FAM169A: variants seen among roughly 807,000 people sequenced by gnomAD.
The protein encoded by FAM169A is soluble lamin-associated protein of 75 kDa.
In FAM169A, 24 loss-of-function variants were observed where a neutral mutation model predicts 75.7. The observed-to-expected ratio is 0.32, with a 90% CI of 0.23 to 0.45. The LOEUF (loss-of-function observed/expected upper bound fraction) is 0.45, where lower values mean the gene tolerates loss of function less well. FAM169A is among the 20% of genes least tolerant of loss of function. FAM169A has a pLI of 1.00. For synonymous variants in FAM169A, 271 were observed against 271.0 expected (o/e 1.00, Z 0.00); for missense variants, 673 against 784.0 (o/e 0.86, Z 1.69).
At chr5:74,854,859 G>A (rs1580171195) in intron 1 of FAM169A, among the ~76,000 whole-genome samples, 1 of 152,306 alleles carries the variant, frequency 6.6e-6, no homozygotes, top group South Asian at 2.1e-4. Context: ...TTCATTCGAT[G>A]ATTGACACTC....
At chr5:74,833,759 T>C (rs564237444) in intron 5 of FAM169A, among the ~76,000 whole-genome samples, 6 of 152,282 alleles carry the variant, frequency 3.9e-5, no homozygotes, top group African/African-American at 1.4e-4. Context: ...AAGGTGTGGA[T>C]TGTATGTGTA....
At chr5:74,797,531 T>C (rs1367421658) in intron 10 of FAM169A, among the ~76,000 whole-genome samples, 1 of 152,200 alleles carries the variant, frequency 6.6e-6, no homozygotes, top group Non-Finnish European at 1.5e-5. Context: ...GCAACATCCC[T>C]CCTAGCTTTG....
At chr5:74,862,748 C>G (rs1561332167) in intron 1 of FAM169A, among the ~76,000 whole-genome samples, 1 of 152,184 alleles carries the variant, frequency 6.6e-6, no homozygotes. Flanking sequence ...TAAAGTGTGA[C>G]AACATGCAAC....
At chr5:74,803,134 A>G (rs1236940721) in intron 8 of FAM169A, among the ~76,000 whole-genome samples, 2 of 152,166 alleles carry the variant, frequency 1.3e-5, no homozygotes, top group African/African-American at 2.4e-5. Flanking sequence ...TATGCTGTCA[A>G]CTGTATGATA....
Position 74,840,149 on chromosome 5 carries a change from CTACATTTGACAGGCTAA to C in FAM169A, c.140_156del (p.Ile47ArgfsTer21), listed in dbSNP as rs1379526608. On this transcript the variant is annotated frameshift_variant, in exon 3 of 13. Transcript: ENST00000687041. LOFTEE classifies it high-confidence loss of function. ...TCTCCACCATAAAGAGGTACAAAGC[CTACATTTGACAGGCTAA>C]TAGGAATCTGAAATGACAAATTAAT... 1 of 1,587,880 alleles carries C rather than the reference CTACATTTGACAGGCTAA, an allele frequency of 6.3e-7. No homozygotes were observed. Among genetic ancestry groups the C allele is most frequent in the Admixed American group, 1.7e-5 (1 of 57,804 alleles).
intron 11 of FAM169A, among the ~76,000 whole-genome samples, chr5:74,784,244 G>C (rs1227244279): frequency 6.6e-6 from 1 of 151,776 alleles, no homozygotes; most frequent in Non-Finnish European, 1.5e-5. Flanking sequence ...CACAATAAGG[G>C]GGAAAAGGCA....
chr5:74,859,956 A>G (rs1749950992), intron 1 of FAM169A, among the ~76,000 whole-genome samples: 1 of 152,220 alleles, frequency 6.6e-6, no homozygotes, highest in African/African-American at 2.4e-5. Flanking sequence ...GGATCACTGA[A>G]CTAGATACTA....
chr5:74,798,366 A>C (rs1404876346), intron 10 of FAM169A, among the ~76,000 whole-genome samples: 2 of 152,202 alleles, frequency 1.3e-5, no homozygotes, highest in Non-Finnish European at 2.9e-5. Context: ...TGGGAGGTTC[A>C]ATTTAAAATA....
chr5:74,833,587 T>C (rs1332910543), intron 5 of FAM169A, among the ~76,000 whole-genome samples: 1 of 152,252 alleles, frequency 6.6e-6, no homozygotes, highest in Non-Finnish European at 1.5e-5. Flanking sequence ...AACTGTTCAT[T>C]AGATCAGCAG....
chr5:74,830,489 T>C (rs774781635), intron 5 of FAM169A, among the ~76,000 whole-genome samples: 6 of 152,146 alleles, frequency 3.9e-5, no homozygotes, highest in Non-Finnish European at 7.3e-5. Flanking sequence ...AAATACTAAC[T>C]ATCCCAGTGG....
intron 5 of FAM169A, among the ~76,000 whole-genome samples, chr5:74,820,526 C>A (rs922861257): frequency 6.6e-6 from 1 of 152,092 alleles, no homozygotes. Flanking sequence ...TCACAGCCCA[C>A]GTACAATCCA....
chr5:74,837,669 T>C (rs1461737437), intron 4 of FAM169A, among the ~76,000 whole-genome samples: 1 of 152,148 alleles, frequency 6.6e-6, no homozygotes, highest in African/African-American at 2.4e-5. Context: ...TTTCTTGATA[T>C]GCTTTCCTTG....
At chr5:74,833,427 G>C (rs1748417281) in intron 5 of FAM169A, among the ~76,000 whole-genome samples, 1 of 152,078 alleles carries the variant, frequency 6.6e-6, no homozygotes, top group Non-Finnish European at 1.5e-5. Flanking sequence ...AGACAATAAA[G>C]GGCACCCAAA....
intron 11 of FAM169A, among the ~76,000 whole-genome samples, chr5:74,787,508 G>A (rs569421384): frequency 2.6e-4 from 40 of 152,260 alleles, no homozygotes; most frequent in South Asian, 8.3e-4. Flanking sequence ...GATGCTTTGC[G>A]AAAGAGATTT....
intron 5 of FAM169A, among the ~76,000 whole-genome samples, chr5:74,821,630 T>C (rs1747771025): frequency 6.6e-6 from 1 of 152,224 alleles, no homozygotes; most frequent in African/African-American, 2.4e-5. Context: ...AAGGCAATGC[T>C]AGCTGCCGTA....
intron 5 of FAM169A, among the ~76,000 whole-genome samples, chr5:74,819,472 C>G (rs922309516): frequency 4.6e-5 from 7 of 152,132 alleles, no homozygotes; most frequent in African/African-American, 1.7e-4. Flanking sequence ...ATGGTACAGT[C>G]TCTATGGAAG....
In FAM169A at chr5:74,866,343, C is replaced by A. The variant is rs1357981576; in HGVS notation, c.-182G>T. 10 of 984,290 alleles carry A rather than the reference C, an allele frequency of 1.0e-5. No individual in the cohort carries two copies. In the Admixed American group the frequency reaches 2.5e-4, roughly 24 times the overall value. 61.0% of individuals were successfully genotyped at this position (984,290 alleles called of 1,614,324 possible). On this transcript the variant is annotated 5_prime_UTR_variant, in exon 1 of 13. Coordinates refer to ENST00000687041, the MANE Select transcript of FAM169A (RefSeq NM_001376049.1). ...GCCCCGGACGCCCGGCTCCTCGTCG[C>A]GGGTCGGCCGCGGCCCACCGTGCCC...
At position 74,813,837 on chromosome 5, in the gene FAM169A, T is replaced by C. The variant is rs758126239; in HGVS notation, c.670+3A>G. 7.8e-6 allele frequency: 12 copies of C among 1,539,378 alleles called. No homozygotes were observed. The highest frequency in any genetic ancestry group is 7.0e-6 in the Non-Finnish European group (8 of 1,150,990). On this transcript the variant is annotated splice_donor_region_variant and intron_variant, in intron 6 of 12. Coordinates refer to ENST00000687041, the MANE Select transcript of FAM169A (RefSeq NM_001376049.1). Reference sequence around the variant, plus strand: ...TTATTATTTTTTAACTTAGTCCATTTACCTGTATACATGAGAGAAGACAGT... The same window carrying C: ...TTATTATTTTTTAACTTAGTCCATTCACCTGTATACATGAGAGAAGACAGT...
chr5:74,786,547 G>A (rs908272054), intron 11 of FAM169A, among the ~76,000 whole-genome samples: 1 of 152,102 alleles, frequency 6.6e-6, no homozygotes, highest in African/African-American at 2.4e-5. Flanking sequence ...GAAGAAGTTT[G>A]GTGACTCTAA....
Sources: gnomAD v4.1 joint callset for allele counts (sites outside exome capture counted in the v4.1 genomes callset) on GRCh38, gnomAD v4.1.1 for gene constraint, MANE v1.5 for transcripts, NCBI Gene and HGNC (gene_info 2026-07-23, HGNC 2026-07-21) for gene names.